Variants in PBX3 observed in about 807,000 individuals in gnomAD.
PBX3 encodes PBX homeobox 3.
PBX3 carries 14 observed loss-of-function variants against 48.5 expected under a neutral mutation model. The observed-to-expected ratio is 0.29, with a 90% confidence interval of 0.19 to 0.45. The LOEUF is 0.45. PBX3 is among the 20% of genes least tolerant of loss of function. The pLI, the probability that PBX3 is intolerant of heterozygous loss-of-function variation, is 1.00. For synonymous variants in PBX3, 210 were observed against 200.3 expected, an observed-to-expected ratio of 1.05 and a Z score of -0.41; for missense variants, 386 against 546.7, an observed-to-expected ratio of 0.71 and a Z score of 2.93.
chr9:125,938,279 G>A (rs1841881979), intron 5 of PBX3, among the ~76,000 whole-genome samples: 1 of 152,164 alleles, frequency 6.6e-6, no homozygotes, highest in Non-Finnish European at 1.5e-5. Flanking sequence ...AGAGAAGACT[G>A]ATAGATTCAG....
chr9:125,762,894 A>G (rs1836706691), intron 2 of PBX3, among the ~76,000 whole-genome samples: 1 of 152,184 alleles, frequency 6.6e-6, no homozygotes, highest in Non-Finnish European at 1.5e-5. Flanking sequence ...TATTAATTAA[A>G]CTCACTTGAG....
At chr9:125,946,057 C>T (rs1047652580) in intron 5 of PBX3, among the ~76,000 whole-genome samples, 1 of 152,100 alleles carries the variant, frequency 6.6e-6, no homozygotes, top group East Asian at 1.9e-4. Context: ...GGTGTCTAGA[C>T]CTGCTAAGGG....
chr9:125,773,965 T>G (rs555811815), intron 2 of PBX3, among the ~76,000 whole-genome samples: 2 of 152,318 alleles, frequency 1.3e-5, no homozygotes, highest in Admixed American at 1.3e-4. Context: ...CAAAACATTT[T>G]CATCCCCTCT....
At chr9:125,950,822 G>A (rs1250649306) in intron 5 of PBX3, among the ~76,000 whole-genome samples, 1 of 152,136 alleles carries the variant, frequency 6.6e-6, no homozygotes, top group East Asian at 1.9e-4. Context: ...AAAAAATTGT[G>A]TGGATTCTTG....
At chr9:125,916,427 CTGAGTA>C (rs1236587298) in intron 3 of PBX3, among the ~76,000 whole-genome samples, 1 of 152,130 alleles carries the variant, frequency 6.6e-6, no homozygotes, top group African/African-American at 2.4e-5. Flanking sequence ...GCCTGTTTCT[CTGAGTA>C]TGAGACCTCC....
At chr9:125,748,230 C>G in intron 1 of PBX3, 3 of 1,030,956 alleles carry the variant, frequency 2.9e-6, no homozygotes, top group Non-Finnish European at 3.5e-6. Flanking sequence ...GGAGCCCCTC[C>G]GCACCCGTCC....
chr9:125,946,490 T>C (rs554994422), intron 5 of PBX3, among the ~76,000 whole-genome samples: 17 of 151,872 alleles, frequency 1.1e-4, no homozygotes, highest in Non-Finnish European at 2.4e-4. Flanking sequence ...ATATCTATAA[T>C]GGGGGAAAGA....
Position 125,747,384 on chromosome 9 carries a change from TCGCCGC to T in PBX3, c.-53_-48del, listed in dbSNP as rs756293477. ...TCCCCCTCTTTCTTCTCCTCCCTCG[TCGCCGC>T]CGCCGCCGCCGCCGCCTCAGCCTTC... On this transcript the variant is annotated 5_prime_UTR_variant, in exon 1 of 9. Coordinates refer to ENST00000373489, the MANE Select transcript of PBX3 (RefSeq NM_006195.6). The T allele has an allele frequency of 1.0e-3, 618 of 600,150 alleles. 1 individual carries two copies. Among genetic ancestry groups the T allele is most frequent in the Non-Finnish European group, 1.2e-3 (565 of 454,192 alleles). The allele number at this position is 600,150 out of a possible 1,614,324, so 37.2% of individuals were successfully genotyped here. A position where few individuals can be genotyped will look rare whatever the true frequency, so the allele number is the denominator to read the frequency against.
chr9:125,912,353 A>G (rs549073293), intron 2 of PBX3, among the ~76,000 whole-genome samples: 22 of 152,144 alleles, frequency 1.4e-4, no homozygotes, highest in Non-Finnish European at 3.1e-4. Context: ...TGTGAAGGGT[A>G]TGCGTTTATT....
chr9:125,951,295 GAAC>G (rs1325962288), intron 5 of PBX3, among the ~76,000 whole-genome samples: 1 of 152,200 alleles, frequency 6.6e-6, no homozygotes, highest in Non-Finnish European at 1.5e-5. Flanking sequence ...TACTTGTGCA[GAAC>G]AATAGCCCAG....
rs1841952139 is a variant in PBX3 at position 125,941,192 on chromosome 9, G to T, written c.843+5585G>T. Among the ~76,000 whole-genome samples, 4 of 152,304 alleles carry T rather than the reference G, an allele frequency of 2.6e-5. No individual in the cohort carries two copies. The South Asian group carries it at 8.3e-4, about 32-fold the overall frequency. ...TTAGTTTGAAGGAGATGAAGGACAA[G>T]TCATGTGGATAATCAGTGAGGAACA... On this transcript the variant is annotated intron_variant, in intron 5 of 8. Transcript: ENST00000373489.
intron 2 of PBX3, among the ~76,000 whole-genome samples, chr9:125,868,287 C>A (rs565853560): frequency 6.6e-6 from 1 of 151,990 alleles, no homozygotes; most frequent in Non-Finnish European, 1.5e-5. Flanking sequence ...ACTGTTATAC[C>A]CATTTTATAA....
chr9:125,954,521 A>G (rs1162499583), intron 5 of PBX3, among the ~76,000 whole-genome samples: 1 of 152,154 alleles, frequency 6.6e-6, no homozygotes, highest in Non-Finnish European at 1.5e-5. Flanking sequence ...TTAGACTTGA[A>G]GAGCAAGTTT....
intron 5 of PBX3, among the ~76,000 whole-genome samples, chr9:125,950,479 C>G (rs1842170966): frequency 1.0e-5 from 1 of 99,034 alleles, no homozygotes; most frequent in African/African-American, 2.7e-5. Flanking sequence ...AAATTTGCAA[C>G]TTCTTTTTTT....
At chr9:125,876,667 T>G (rs535198575) in intron 2 of PBX3, among the ~76,000 whole-genome samples, 2 of 152,204 alleles carry the variant, frequency 1.3e-5, no homozygotes, top group East Asian at 3.9e-4. Context: ...AAGTAAAGTT[T>G]TTGGGGAGTC....
intron 2 of PBX3, among the ~76,000 whole-genome samples, chr9:125,788,036 GAGA>G (rs1837503755): frequency 6.6e-6 from 1 of 152,218 alleles, no homozygotes; most frequent in African/African-American, 2.4e-5. Flanking sequence ...ACTTGGGATA[GAGA>G]AGGAGACTGA....
chr9:125,763,850 C>G (rs1417365227), intron 2 of PBX3, among the ~76,000 whole-genome samples: 2 of 152,098 alleles, frequency 1.3e-5, no homozygotes, highest in Non-Finnish European at 2.9e-5. Flanking sequence ...GCAATTTTTC[C>G]TCTCTGGTTT....
chr9:125,877,398 C>G (rs906443810), intron 2 of PBX3, among the ~76,000 whole-genome samples: 3 of 152,112 alleles, frequency 2.0e-5, no homozygotes, highest in Non-Finnish European at 4.4e-5. Context: ...TCTAGTACTT[C>G]TAGGACTTGT....
rs113134316 is a variant in PBX3, at chr9:125,899,651, C to T, written c.275-16035C>T. On this transcript the variant is annotated intron_variant, in intron 2 of 8. Transcript: ENST00000373489. ...CAGTTGGCAGAACATCATATAGACT[C>T]TCCTTCACTCTGCGGTTTCTGCAAA... Among the ~76,000 whole-genome samples, 143 of 151,440 alleles carry T rather than the reference C, an allele frequency of 9.4e-4. 2 individuals are homozygous for T. Among genetic ancestry groups the T allele is most frequent in the African/African-American group, 3.4e-3 (140 of 41,434 alleles).
Sources: gnomAD v4.1 joint callset for allele counts (sites outside exome capture counted in the v4.1 genomes callset) on GRCh38, gnomAD v4.1.1 for gene constraint, MANE v1.5 for transcripts, NCBI Gene and HGNC (gene_info 2026-07-23, HGNC 2026-07-21) for gene names.